The following CR1L variants were observed in gnomAD, a reference collection of about 807,000 sequenced individuals.
CR1L encodes complement C3b/C4b receptor 1 like.
A neutral mutation model predicts 62.3 loss-of-function variants in CR1L; 59 were observed. That is an observed-to-expected ratio of 0.95 (90% CI 0.77 to 1.18). The LOEUF (loss-of-function observed/expected upper bound fraction) is 1.18. Ranked by LOEUF, CR1L falls within the 50% of genes most tolerant of loss-of-function variation. CR1L has a pLI of 0.00. For missense variants in CR1L, 700 were observed against 702.8 expected (o/e 1.00, Z 0.04); for synonymous variants, 279 against 248.7 (o/e 1.12, Z -1.15).
At chr1:207,660,914 T>C (rs888200920) in intron 1 of CR1L, among the ~76,000 whole-genome samples, 15 of 152,240 alleles carry the variant, frequency 9.9e-5, no homozygotes, top group Non-Finnish European at 2.1e-4. Flanking sequence ...CCAGTAGTCA[T>C]TCAGGAGCGG....
intron 9 of CR1L, among the ~76,000 whole-genome samples, chr1:207,704,621 A>T (rs1226839186): frequency 6.6e-6 from 1 of 152,212 alleles, no homozygotes; most frequent in Non-Finnish European, 1.5e-5. Flanking sequence ...TTCAGCAACC[A>T]CCACCCTGAT....
chr1:207,689,057 T>C (rs1263137984), intron 4 of CR1L, among the ~76,000 whole-genome samples: 1 of 152,128 alleles, frequency 6.6e-6, no homozygotes, highest in Non-Finnish European at 1.5e-5. Context: ...CAACATTGAA[T>C]AGAAGAGATG....
In CR1L at chr1:207,723,605, G is replaced by A; in HGVS notation, c.1643-13G>A. On this transcript the variant is annotated splice_polypyrimidine_tract_variant and intron_variant, in intron 11 of 11. Transcript: ENST00000508064. ...CCAGAGTGATGTTTTTGTGACTTTT[G>A]TCTTCCTTTTAGGTTCACATGATGC... 12 of 1,587,076 alleles carry A rather than the reference G, an allele frequency of 7.6e-6. No individual in the cohort carries two copies. The highest frequency in any genetic ancestry group is 1.0e-5 in the Non-Finnish European group (12 of 1,163,632).
chr1:207,697,400 T>A (rs1467545623), intron 5 of CR1L, 103 bp from the exon 6 acceptor site: 5 of 1,600,936 alleles, frequency 3.1e-6, no homozygotes, highest in African/African-American at 1.3e-5. Context: ...TTCTACCTTT[T>A]TTGTTACATA....
chr1:207,698,146 AAC>A (rs200851433), intron 7 of CR1L, among the ~76,000 whole-genome samples: 2,498 of 152,356 alleles, frequency 0.016, 29 homozygotes, highest in Non-Finnish European at 0.024. Flanking sequence ...ATATATAGGT[AAC>A]ACAGTAAGTT....
At chr1:207,664,258 AT>A (rs1052916431) in intron 1 of CR1L, among the ~76,000 whole-genome samples, 5 of 152,238 alleles carry the variant, frequency 3.3e-5, no homozygotes, top group Non-Finnish European at 5.9e-5. Flanking sequence ...ACTATGCTTA[AT>A]TAACATCATT....
intron 1 of CR1L, among the ~76,000 whole-genome samples, chr1:207,647,705 T>C (rs1048134559): frequency 1.3e-5 from 2 of 152,112 alleles, no homozygotes; most frequent in South Asian, 2.1e-4. Context: ...AGAGCTATGC[T>C]CAGGATGGTC....
intron 9 of CR1L, among the ~76,000 whole-genome samples, chr1:207,702,081 G>A (rs927061459): frequency 7.9e-5 from 12 of 152,126 alleles, no homozygotes; most frequent in East Asian, 3.8e-4. Flanking sequence ...TTGTGGCAAC[G>A]CTGCAACAAG....
chr1:207,664,263 C>T (rs930519114), intron 1 of CR1L, among the ~76,000 whole-genome samples: 4 of 152,224 alleles, frequency 2.6e-5, no homozygotes, highest in Non-Finnish European at 5.9e-5. Context: ...GCTTAATTAA[C>T]ATCATTTCTG....
At chr1:207,683,507 T>C (rs183064636) in intron 3 of CR1L, among the ~76,000 whole-genome samples, 98 of 152,208 alleles carry the variant, frequency 6.4e-4, no homozygotes, top group African/African-American at 2.2e-3. Context: ...GGCATAGAAA[T>C]ACATACAACA....
intron 3 of CR1L, among the ~76,000 whole-genome samples, chr1:207,678,525 G>A (rs1232652127): frequency 6.6e-6 from 1 of 152,200 alleles, no homozygotes; most frequent in African/African-American, 2.4e-5. Context: ...TATATGAAAA[G>A]TGTGGCATTC....
At chr1:207,664,686 C>T (rs1433905952) in intron 1 of CR1L, among the ~76,000 whole-genome samples, 1 of 152,052 alleles carries the variant, frequency 6.6e-6, no homozygotes, top group Non-Finnish European at 1.5e-5. Flanking sequence ...ACTGATCTAG[C>T]TTAGTGTTTG....
intron 10 of CR1L, among the ~76,000 whole-genome samples, chr1:207,716,265 G>A (rs940424151): frequency 6.9e-6 from 1 of 144,334 alleles, no homozygotes; most frequent in Non-Finnish European, 1.5e-5. Context: ...GGGATGTTAT[G>A]GAGAAAATAA....
Position 207,697,691 on chromosome 1 carries a change from C to T in CR1L, c.1039+12C>T, listed in dbSNP as rs772905016. On this transcript the variant is annotated intron_variant, in intron 6 of 11. Coordinates refer to ENST00000508064, the MANE Select transcript of CR1L (RefSeq NM_175710.2). The stretch of plus-strand genomic sequence containing the variant: ...CCCCAGATGTGAAGGTGACTAGACT[C>T]TTATCTGGCTTGGTATTTTTAGCTT... 2.5e-6 allele frequency: 4 copies of T among 1,613,876 alleles called. No homozygotes were observed. The highest frequency in any genetic ancestry group is 1.6e-4 in the Middle Eastern group (1 of 6,084).
chr1:207,652,194 T>C (rs57378727), intron 1 of CR1L, among the ~76,000 whole-genome samples: 6,651 of 152,320 alleles, frequency 0.044, 505 homozygotes, highest in African/African-American at 0.15. Flanking sequence ...GAGTGCTCTA[T>C]ACTGTAGATG....
chr1:207,719,737 C>T (rs562719376), intron 11 of CR1L, among the ~76,000 whole-genome samples: 4 of 152,022 alleles, frequency 2.6e-5, no homozygotes, highest in African/African-American at 4.8e-5. Flanking sequence ...CACACACACA[C>T]GCACACACAC....
intron 1 of CR1L, among the ~76,000 whole-genome samples, chr1:207,674,862 G>A (rs564421283): frequency 3.9e-4 from 59 of 149,486 alleles, no homozygotes; most frequent in African/African-American, 1.3e-3. Context: ...TGTTTTATTC[G>A]TGTTTTTTTT....
At chr1:207,719,644 G>T (rs1654087567) in intron 11 of CR1L, among the ~76,000 whole-genome samples, 1 of 152,040 alleles carries the variant, frequency 6.6e-6, no homozygotes, top group South Asian at 2.1e-4. Context: ...TCCCAAGCCT[G>T]GGAGGTCGAG....
At chr1:207,694,255 A>G (rs1477504814) in intron 4 of CR1L, 98 bp from the exon 5 acceptor site, 1 of 1,465,386 alleles carries the variant, frequency 6.8e-7, no homozygotes, top group African/African-American at 1.4e-5. Context: ...TTAGCAAAGA[A>G]TAAAAGCAAA....
Sources: gnomAD v4.1 joint callset for allele counts (sites outside exome capture counted in the v4.1 genomes callset) on GRCh38, gnomAD v4.1.1 for gene constraint, MANE v1.5 for transcripts, NCBI Gene and HGNC (gene_info 2026-07-23, HGNC 2026-07-21) for gene names.